The following VTCN1 variants were observed in gnomAD, a reference collection of about 807,000 sequenced individuals.
The protein encoded by VTCN1 is V-set domain-containing T-cell activation inhibitor 1.
In VTCN1, 26 loss-of-function variants were observed where a neutral mutation model predicts 26.5. The ratio of observed to expected loss-of-function variants is 0.98; its 90% CI spans 0.72 to 1.36. The LOEUF is 1.36. VTCN1 is among the 40% of genes most tolerant of loss of function. The pLI, the probability that VTCN1 is intolerant of heterozygous loss-of-function variation, is 0.00. For synonymous variants in VTCN1, 116 were observed against 130.7 expected (o/e 0.89, Z 0.77); for missense variants, 298 against 337.7 (o/e 0.88, Z 0.92).
At chr1:117,203,150 G>T (rs149007158) in intron 1 of VTCN1, among the ~76,000 whole-genome samples, 1 of 152,004 alleles carries the variant, frequency 6.6e-6, no homozygotes, top group Non-Finnish European at 1.5e-5. Context: ...TGAGGGTAGC[G>T]GGTAGTTTTG....
intron 1 of VTCN1, among the ~76,000 whole-genome samples, chr1:117,199,874 T>C (rs771740446): frequency 1.8e-4 from 27 of 152,164 alleles, no homozygotes; most frequent in Non-Finnish European, 3.5e-4. Flanking sequence ...GACCTTGTGA[T>C]CCGCCCACCT....
At chr1:117,193,673 TCA>T (rs1323419550) in intron 1 of VTCN1, among the ~76,000 whole-genome samples, 4 of 152,060 alleles carry the variant, frequency 2.6e-5, no homozygotes, top group Admixed American at 2.6e-4. Context: ...TATCCTACTT[TCA>T]ATAATGGACA....
At chr1:117,197,583 C>T (rs1293133970) in intron 1 of VTCN1, among the ~76,000 whole-genome samples, 2 of 152,118 alleles carry the variant, frequency 1.3e-5, no homozygotes, top group Admixed American at 6.5e-5. Flanking sequence ...ACCAAGTAAC[C>T]AATGGAAACC....
intron 1 of VTCN1, chr1:117,172,514 C>T (rs1652975011): frequency 3.9e-6 from 2 of 517,980 alleles, no homozygotes; most frequent in South Asian, 2.8e-5. Context: ...CACAGGCAGC[C>T]GACTTGTGTG....
chr1:117,172,286 C>A, intron 1 of VTCN1: 1 of 507,216 alleles, frequency 2.0e-6, no homozygotes, highest in Non-Finnish European at 3.9e-6. Context: ...CAACAGTTCC[C>A]CTGCCGGCCA....
Position 117,170,911 on chromosome 1 carries a change from CAT to C in VTCN1, c.33-742_33-741del, listed in dbSNP as rs1444054967. On this transcript the variant is annotated intron_variant, in intron 1 of 5. Transcript: ENST00000369458. The stretch of plus-strand genomic sequence containing the variant: ...CGTGCAGGTTCGTTACATAGGTACA[CAT>C]GTGTCATGGTGGTTTGCTGCACCTA... 2.6e-5 allele frequency among the ~76,000 whole-genome samples: 4 copies of C among 152,128 alleles called. No individual in the cohort carries two copies. In the South Asian group the frequency reaches 6.2e-4, roughly 24 times the overall value.
chr1:117,165,333 AG>A (rs1260666721), intron 2 of VTCN1, among the ~76,000 whole-genome samples: 2 of 152,254 alleles, frequency 1.3e-5, no homozygotes, highest in African/African-American at 2.4e-5. Context: ...GCATGAAGAA[AG>A]GATTCAAAAG....
At chr1:117,210,494 A>T (rs1483099090) in intron 1 of VTCN1, among the ~76,000 whole-genome samples, 1 of 152,168 alleles carries the variant, frequency 6.6e-6, no homozygotes, top group Non-Finnish European at 1.5e-5. Context: ...CAGTGTCCCC[A>T]TGGTGCTCAC....
chr1:117,165,210 G>T (rs1225961235), intron 2 of VTCN1, among the ~76,000 whole-genome samples: 2 of 152,214 alleles, frequency 1.3e-5, no homozygotes, highest in African/African-American at 4.8e-5. Flanking sequence ...CTTGCTGACT[G>T]TTGTGTGTCC....
rs181096256 is a variant in VTCN1 at position 117,148,612 on chromosome 1, G to A, written c.725-830C>T. ...ACATCTAGATTTCCAGTTGCTGCTA[G>A]ATATGTCATTTAAAAACATAATTAT... On this transcript the variant is annotated intron_variant, in intron 4 of 5. Coordinates refer to ENST00000369458, the MANE Select transcript of VTCN1 (RefSeq NM_024626.4). Among the ~76,000 whole-genome samples the A allele has an allele frequency of 2.0e-5, 3 of 152,268 alleles. No individual in the cohort carries two copies. In the East Asian group the frequency reaches 5.8e-4, roughly 29 times the overall value.
At chr1:117,195,927 G>A (rs1385129935) in intron 1 of VTCN1, among the ~76,000 whole-genome samples, 1 of 152,152 alleles carries the variant, frequency 6.6e-6, no homozygotes, top group Non-Finnish European at 1.5e-5. Flanking sequence ...GAGTAGGGAG[G>A]ATTGCCTGAG....
rs147300326 is a variant in VTCN1, at chr1:117,190,236, C to T, written c.33-20065G>A. Among the ~76,000 whole-genome samples the T allele has an allele frequency of 7.2e-4, 110 of 152,366 alleles. 1 individual carries two copies. The highest frequency in any genetic ancestry group is 4.4e-3 in the East Asian group (23 of 5,188). ...TGCCCACGAAGACAGACTTGCCAAT[C>T]TCAGTCCAACTGAGGATTGTGAAGC... On this transcript the variant is annotated intron_variant, in intron 1 of 5. Coordinates refer to ENST00000369458, the MANE Select transcript of VTCN1 (RefSeq NM_024626.4).
chr1:117,210,765 CA>C, intron 1 of VTCN1, 58 bp downstream of exon 1: 2 of 1,587,416 alleles, frequency 1.3e-6, no homozygotes, highest in South Asian at 1.1e-5. Context: ...TCAGCATCCC[CA>C]AAAGACCTCA....
chr1:117,197,611 C>G (rs893529921), intron 1 of VTCN1, among the ~76,000 whole-genome samples: 6 of 152,144 alleles, frequency 3.9e-5, no homozygotes, highest in African/African-American at 1.2e-4. Flanking sequence ...GGTATTTAAG[C>G]CCCTGAAAAC....
intron 1 of VTCN1, among the ~76,000 whole-genome samples, chr1:117,188,731 A>G (rs1203726273): frequency 2.0e-5 from 3 of 152,190 alleles, no homozygotes; most frequent in African/African-American, 7.2e-5. Context: ...GCCCAGCTGC[A>G]TGGCAGCCCA....
chr1:117,176,841 G>T (rs1220192018), intron 1 of VTCN1, among the ~76,000 whole-genome samples: 1 of 152,086 alleles, frequency 6.6e-6, no homozygotes, highest in Non-Finnish European at 1.5e-5. Context: ...GCTCATGCTT[G>T]TAATCCCAGC....
rs117748567 is a variant in VTCN1 at position 117,168,349 on chromosome 1, T to C, written c.97+1758A>G. On this transcript the variant is annotated intron_variant, in intron 2 of 5. Coordinates refer to ENST00000369458, the MANE Select transcript of VTCN1 (RefSeq NM_024626.4). The stretch of plus-strand genomic sequence containing the variant: ...GTGTTCAGTAGTGGTGCTGGGTTTA[T>C]TGGATACCATAAGGAAAAAATGAAT... Among the ~76,000 whole-genome samples the C allele has an allele frequency of 2.4e-4, 37 of 152,298 alleles. No individual in the cohort carries two copies. The East Asian group carries it at 7.1e-3, about 29-fold the overall frequency.
At chr1:117,196,464 T>G (rs1648518381) in intron 1 of VTCN1, among the ~76,000 whole-genome samples, 1 of 151,876 alleles carries the variant, frequency 6.6e-6, no homozygotes, top group Non-Finnish European at 1.5e-5. Context: ...ATAGTGGTTA[T>G]CTCTAGGTTA....
At chr1:117,182,314 T>C (rs184942799) in intron 1 of VTCN1, among the ~76,000 whole-genome samples, 169 of 152,270 alleles carry the variant, frequency 1.1e-3, no homozygotes, top group African/African-American at 4.0e-3. Context: ...TGTTCAGTCT[T>C]CCAAAAGATC....
Sources: allele counts gnomAD v4.1 joint callset (sites outside exome capture counted in the v4.1 genomes callset), GRCh38; gene constraint gnomAD v4.1.1; transcripts MANE v1.5; gene names NCBI Gene and HGNC (gene_info 2026-07-23, HGNC 2026-07-21).